The following C12orf50 variants were observed in gnomAD, a reference collection of about 807,000 sequenced individuals.
C12orf50 encodes uncharacterized protein C12orf50.
C12orf50 carries 35 observed loss-of-function variants against 61.6 expected under a neutral mutation model. That is an observed-to-expected ratio of 0.57 (90% CI 0.43 to 0.75). The LOEUF is 0.75. C12orf50 is among the 30% of genes least tolerant of loss of function. The probability of loss-of-function intolerance (pLI) is 0.00; values close to 1 mark genes in which losing one functional copy is unlikely to be tolerated. For synonymous variants in C12orf50, 178 were observed against 161.5 expected (o/e 1.10, Z -0.77); for missense variants, 475 against 488.5 (o/e 0.97, Z 0.26).
At chr12:88,022,476 T>C (rs1725919827) in intron 3 of C12orf50, among the ~76,000 whole-genome samples, 1 of 152,068 alleles carries the variant, frequency 6.6e-6, no homozygotes, top group Non-Finnish European at 1.5e-5. Flanking sequence ...CCACTCCTAC[T>C]CACCATAGTA....
intron 1 of C12orf50, 123 bp downstream of exon 1, chr12:88,029,217 G>A (rs2032815696): frequency 4.3e-6 from 3 of 694,766 alleles, no homozygotes; most frequent in Admixed American, 3.4e-5. Flanking sequence ...GTGTGTAAGG[G>A]GGAAAAATAA....
chr12:87,980,610 C>G (rs1345464864), intron 12 of C12orf50, among the ~76,000 whole-genome samples: 1 of 152,046 alleles, frequency 6.6e-6, no homozygotes, highest in Admixed American at 6.6e-5. Context: ...ATGGGACATG[C>G]AGAATGAACA....
In C12orf50 at chr12:87,990,599, T is replaced by C. The variant is rs148102433; in HGVS notation, c.593-1228A>G. On this transcript the variant is annotated intron_variant, in intron 7 of 12. Transcript: ENST00000298699. The stretch of plus-strand genomic sequence containing the variant: ...CTGAGAGCAATGGAAGGACACAAAG[T>C]CAATTGTATGTTCACATTCACCCTG... 3.2e-4 allele frequency among the ~76,000 whole-genome samples: 49 copies of C among 152,158 alleles called. 1 individual carries two copies. The highest frequency in any genetic ancestry group is 1.2e-3 in the African/African-American group (48 of 41,538).
At chr12:88,029,597 C>T (rs2731639), upstream of C12orf50, among the ~76,000 whole-genome samples, 1 of 151,986 alleles carries the variant, frequency 6.6e-6, no homozygotes, top group African/African-American at 2.4e-5. Context: ...TCAATGTTCT[C>T]GTTGAATATG....
chr12:87,981,902 C>T (rs2030494542), intron 12 of C12orf50, among the ~76,000 whole-genome samples: 2 of 152,140 alleles, frequency 1.3e-5, no homozygotes, highest in African/African-American at 4.8e-5. Context: ...TAGATTGCAT[C>T]TGGGAACTGC....
intron 3 of C12orf50, among the ~76,000 whole-genome samples, chr12:88,003,177 C>G (rs1220027136): frequency 6.6e-6 from 1 of 151,682 alleles, no homozygotes; most frequent in Non-Finnish European, 1.5e-5. Context: ...TCATTTGTTC[C>G]TATGGATTTG....
At chr12:88,000,115 G>A (rs962066250) in intron 3 of C12orf50, among the ~76,000 whole-genome samples, 20 of 151,794 alleles carry the variant, frequency 1.3e-4, no homozygotes, top group African/African-American at 4.1e-4. Context: ...AGAGGTAACC[G>A]TTAATGGGTG....
At chr12:87,995,362 C>A (rs1217725946) in intron 6 of C12orf50, among the ~76,000 whole-genome samples, 10 of 152,066 alleles carry the variant, frequency 6.6e-5, no homozygotes, top group African/African-American at 2.2e-4. Flanking sequence ...GATATTCTAT[C>A]AGTGGTTATT....
At chr12:88,008,790 A>G (rs2136458901) in intron 3 of C12orf50, among the ~76,000 whole-genome samples, 1 of 152,304 alleles carries the variant, frequency 6.6e-6, no homozygotes, top group East Asian at 1.9e-4. Flanking sequence ...CACAATAGGT[A>G]TCTTCATCCT....
At chr12:88,000,239 C>T (rs988084403) in intron 3 of C12orf50, among the ~76,000 whole-genome samples, 3 of 152,032 alleles carry the variant, frequency 2.0e-5, no homozygotes, top group African/African-American at 7.2e-5. Context: ...AATTACTTTG[C>T]ATGTGACTAT....
chr12:87,987,795 T>A, intron 9 of C12orf50, 55 bp downstream of exon 9: 1 of 1,128,070 alleles, frequency 8.9e-7, no homozygotes, highest in Non-Finnish European at 1.3e-6. Flanking sequence ...GCAAAACAAA[T>A]CCATGGTAAG....
At chr12:88,001,509 G>A (rs12318914) in intron 3 of C12orf50, among the ~76,000 whole-genome samples, 14,464 of 150,354 alleles carry the variant, frequency 0.096, 813 homozygotes, top group African/African-American at 0.14. Flanking sequence ...TCATAGACAT[G>A]AGTTGGAAAG....
rs56032143 is a variant in C12orf50 at position 87,988,000 on chromosome 12, T to C, written c.701-34A>G. 0.013 allele frequency: 18,743 copies of C among 1,401,014 alleles called. 1,508 individuals are homozygous for C. In the African/African-American group the frequency reaches 0.2, roughly 15 times the overall value. 86.8% of individuals were successfully genotyped at this position (1,401,014 alleles called of 1,614,324 possible). On this transcript the variant is annotated intron_variant, in intron 8 of 12. Transcript: ENST00000298699. ...GCAAATTAAGAAAATAAAATGTCAATATTAGTTTTTAAAAAAAGCATTTCA... is the reference window on the plus strand; with the variant it reads ...GCAAATTAAGAAAATAAAATGTCAACATTAGTTTTTAAAAAAAGCATTTCA...
chr12:87,995,465 TAAC>T (rs2031339160), intron 6 of C12orf50, among the ~76,000 whole-genome samples: 2 of 152,170 alleles, frequency 1.3e-5, no homozygotes, highest in Non-Finnish European at 2.9e-5. Flanking sequence ...AAGATTATAA[TAAC>T]AATGTGTATA....
chr12:88,012,876 T>A (rs1020278653), intron 3 of C12orf50, among the ~76,000 whole-genome samples: 1 of 152,012 alleles, frequency 6.6e-6, no homozygotes, highest in African/African-American at 2.4e-5. Context: ...CCGGCCTACA[T>A]AATATGGTGA....
chr12:87,988,439 G>C (rs183990770), intron 8 of C12orf50, among the ~76,000 whole-genome samples: 136 of 152,210 alleles, frequency 8.9e-4, no homozygotes, highest in African/African-American at 3.2e-3. Context: ...ACTATTGAGC[G>C]CATGGAATGT....
At chr12:87,982,740 G>C (rs2030555938) in intron 12 of C12orf50, among the ~76,000 whole-genome samples, 1 of 151,212 alleles carries the variant, frequency 6.6e-6, no homozygotes, top group African/African-American at 2.4e-5. Context: ...GGTAGATATA[G>C]TAAAGCTTTA....
chr12:88,006,417 G>A (rs555710128), intron 3 of C12orf50, among the ~76,000 whole-genome samples: 1 of 152,078 alleles, frequency 6.6e-6, no homozygotes, highest in Non-Finnish European at 1.5e-5. Flanking sequence ...TTCTCTTTCC[G>A]AGAGCTTCAG....
intron 9 of C12orf50, among the ~76,000 whole-genome samples, chr12:87,986,764 T>C (rs1336035877): frequency 6.6e-6 from 1 of 152,164 alleles, no homozygotes; most frequent in Non-Finnish European, 1.5e-5. Context: ...TTTAGAACTC[T>C]TATTTTCAAC....
Sources: allele counts gnomAD v4.1 joint callset (sites outside exome capture counted in the v4.1 genomes callset), GRCh38; gene constraint gnomAD v4.1.1; transcripts MANE v1.5; gene names NCBI Gene and HGNC (gene_info 2026-07-23, HGNC 2026-07-21).